Variants in APBB2 observed in about 807,000 individuals in gnomAD.
APBB2 encodes the protein Fe65-like 1.
Under a neutral mutation model 82.5 loss-of-function variants are expected in APBB2, and 38 were observed. The observed-to-expected ratio is 0.46, with a 90% confidence interval of 0.36 to 0.60. APBB2 has a LOEUF of 0.60. Ranked by LOEUF, APBB2 falls within the 20% of genes least tolerant of loss-of-function variation. The pLI is 0.00. For missense variants in APBB2, 772 were observed against 972.3 expected (o/e 0.79, Z 2.74); for synonymous variants, 341 against 368.2 (o/e 0.93, Z 0.85).
At chr4:41,198,781 G>C (rs10084917) in intron 1 of APBB2, among the ~76,000 whole-genome samples, 27,581 of 152,132 alleles carry the variant, frequency 0.18, 3,158 homozygotes, top group African/African-American at 0.32. Context: ...AAAGTCTTCA[G>C]GAGAGGACCC....
chr4:41,159,880 A>C (rs1414720604), intron 1 of APBB2, among the ~76,000 whole-genome samples: 4 of 99,266 alleles, frequency 4.0e-5, no homozygotes, highest in African/African-American at 2.2e-4. Flanking sequence ...GCTTAAGGGC[A>C]AAAAAAAAAA....
At chr4:41,121,320 C>T (rs908004280) in intron 2 of APBB2, among the ~76,000 whole-genome samples, 2 of 152,252 alleles carry the variant, frequency 1.3e-5, no homozygotes, top group African/African-American at 2.4e-5. Flanking sequence ...GAGCTACCCA[C>T]ATGTTCCTTG....
chr4:41,174,469 G>C (rs1560955051), intron 1 of APBB2, among the ~76,000 whole-genome samples: 1 of 152,098 alleles, frequency 6.6e-6, no homozygotes, highest in Non-Finnish European at 1.5e-5. Flanking sequence ...GAGCACGCTA[G>C]CAGCTCATAA....
rs545804174 is a variant in APBB2 at position 41,188,653 on chromosome 4, T to C, written c.-417+25752A>G. Among the ~76,000 whole-genome samples, 6 of 152,312 alleles carry C rather than the reference T, an allele frequency of 3.9e-5. No homozygotes were observed. The South Asian group carries it at 1.2e-3, about 32-fold the overall frequency. ...AATAAGTGTCTGTTGTTTTAGAGTA[T>C]TTTGTTACAGCAGCCTGAACAGACT... On this transcript the variant is annotated intron_variant, in intron 1 of 17. Transcript: ENST00000508593.
At chr4:41,080,310 A>G (rs2153930503) in intron 3 of APBB2, among the ~76,000 whole-genome samples, 1 of 152,364 alleles carries the variant, frequency 6.6e-6, no homozygotes. Context: ...TTTTGCAGAC[A>G]AAGCTAGAAG....
chr4:41,184,636 T>C (rs945101264), intron 1 of APBB2, among the ~76,000 whole-genome samples: 7 of 152,234 alleles, frequency 4.6e-5, no homozygotes, highest in Non-Finnish European at 1.0e-4. Context: ...TAAGTACTTA[T>C]TGTGGCAGAC....
intron 6 of APBB2, among the ~76,000 whole-genome samples, chr4:40,958,960 C>T (rs1036184650): frequency 6.6e-6 from 1 of 152,198 alleles, no homozygotes; most frequent in African/African-American, 2.4e-5. Context: ...GATAAAATAG[C>T]TAGGCAGGCT....
In APBB2 at chr4:40,901,909, ATGTGTGTG is replaced by A. The variant is rs35766512; in HGVS notation, c.1255-8506_1255-8499del. ...ACACCCTGAAAATATATCCAAAATT[ATGTGTGTG>A]TGTGTGTGTGTGTGTGTGTGTGTGT... On this transcript the variant is annotated intron_variant, in intron 10 of 17. Coordinates refer to ENST00000508593, the MANE Select transcript of APBB2 (RefSeq NM_004307.2). Among the ~76,000 whole-genome samples the A allele has an allele frequency of 1.9e-3, 280 of 145,536 alleles. 2 individuals are homozygous for A. The highest frequency in any genetic ancestry group is 6.8e-3 in the African/African-American group (266 of 39,284).
chr4:41,141,992 A>T (rs1171938519), intron 2 of APBB2, among the ~76,000 whole-genome samples: 1 of 152,200 alleles, frequency 6.6e-6, no homozygotes, highest in African/African-American at 2.4e-5. Context: ...TTACATGCCC[A>T]TAACTGAGTC....
intron 6 of APBB2, among the ~76,000 whole-genome samples, chr4:40,996,493 A>C (rs542349366): frequency 6.6e-6 from 1 of 152,128 alleles, no homozygotes; most frequent in Non-Finnish European, 1.5e-5. Flanking sequence ...AATCTCTCTG[A>C]CTTCTCCCTA....
In APBB2 at chr4:40,903,298, T is replaced by TA. The variant is rs33976536; in HGVS notation, c.1255-9888dup. On this transcript the variant is annotated intron_variant, in intron 10 of 17. Coordinates refer to ENST00000508593, the MANE Select transcript of APBB2 (RefSeq NM_004307.2). Reference sequence around the variant, plus strand: ...CAACATGGCAAAACTCCAACTCTACTAAAAAAAAAAATACAAAAATCAGCT... The same window carrying TA: ...CAACATGGCAAAACTCCAACTCTACTAAAAAAAAAAAATACAAAAATCAGCT... Among the ~76,000 whole-genome samples, 768 of 148,400 alleles carry TA rather than the reference T, an allele frequency of 5.2e-3. 2 individuals carry two copies. The highest frequency in any genetic ancestry group is 0.017 in the Middle Eastern group (5 of 292).
At chr4:41,082,633 C>T (rs1178882940) in intron 3 of APBB2, among the ~76,000 whole-genome samples, 1 of 150,142 alleles carries the variant, frequency 6.7e-6, no homozygotes, top group Non-Finnish European at 1.5e-5. Flanking sequence ...AGTACAATGA[C>T]ACAATCATAG....
At chr4:41,039,176 G>A (rs1355821805) in intron 4 of APBB2, among the ~76,000 whole-genome samples, 2 of 152,168 alleles carry the variant, frequency 1.3e-5, no homozygotes, top group African/African-American at 4.8e-5. Flanking sequence ...ATATTTGCTA[G>A]GGTATTTAAA....
At chr4:41,207,376 G>A (rs1473988609) in intron 1 of APBB2, among the ~76,000 whole-genome samples, 1 of 152,158 alleles carries the variant, frequency 6.6e-6, no homozygotes, top group Non-Finnish European at 1.5e-5. Context: ...TGATACTGCA[G>A]AGGTCTGGGC....
intron 12 of APBB2, among the ~76,000 whole-genome samples, chr4:40,861,023 G>T (rs1329419319): frequency 6.6e-6 from 1 of 152,060 alleles, no homozygotes; most frequent in Admixed American, 6.6e-5. Flanking sequence ...TGACCAGCTG[G>T]GCAATATAGC....
chr4:41,193,652 G>A lies in APBB2; in HGVS notation c.-417+20753C>T. ...CATTATTACTTCTGCAGGTCTCCCA[G>A]GACCCAGTTGGATACAGAACCACCA... On this transcript the variant is annotated intron_variant, in intron 1 of 17. Coordinates refer to ENST00000508593, the MANE Select transcript of APBB2 (RefSeq NM_004307.2). The A allele has an allele frequency of 1.1e-5, 8 of 715,864 alleles. No individual in the cohort carries two copies. In the African/African-American group the frequency reaches 1.5e-4, roughly 14 times the overall value. The allele number at this position is 715,864 out of a possible 1,614,324, so 44.3% of individuals were successfully genotyped here. A position where few individuals can be genotyped will look rare whatever the true frequency, so the allele number is the denominator to read the frequency against.
At chr4:40,875,780 G>A (rs185624514) in intron 12 of APBB2, among the ~76,000 whole-genome samples, 4 of 151,892 alleles carry the variant, frequency 2.6e-5, no homozygotes, top group Admixed American at 2.6e-4. Context: ...TATGTTACAA[G>A]TAATGTTTGC....
chr4:41,128,373 C>T (rs1269418279), intron 2 of APBB2, among the ~76,000 whole-genome samples: 1 of 152,166 alleles, frequency 6.6e-6, no homozygotes. Context: ...TCTCAAAGAA[C>T]TTAGGACTGC....
intron 5 of APBB2, among the ~76,000 whole-genome samples, chr4:41,028,534 G>A (rs1288165212): frequency 6.6e-6 from 1 of 152,218 alleles, no homozygotes; most frequent in Non-Finnish European, 1.5e-5. Flanking sequence ...ACCAAAGAAA[G>A]CGAAGCCAAG....
Sources: allele counts gnomAD v4.1 joint callset (sites outside exome capture counted in the v4.1 genomes callset), GRCh38; gene constraint gnomAD v4.1.1; transcripts MANE v1.5; gene names NCBI Gene and HGNC (gene_info 2026-07-23, HGNC 2026-07-21).